Variants in ICAM5 observed in about 807,000 individuals in gnomAD.
The protein encoded by ICAM5 is intercellular adhesion molecule 5.
A neutral mutation model predicts 78.8 loss-of-function variants in ICAM5; 38 were observed. That is an observed-to-expected ratio of 0.48 (90% confidence interval 0.37 to 0.63). ICAM5 has a LOEUF of 0.63. ICAM5 is among the 30% of genes least tolerant of loss of function. ICAM5 has a pLI of 0.00. For missense variants in ICAM5, 1,059 were observed against 1,303.0 expected, an observed-to-expected ratio of 0.81 and a Z score of 2.88; for synonymous variants, 544 against 590.9, an observed-to-expected ratio of 0.92 and a Z score of 1.15.
At position 10,290,316 on chromosome 19, in the gene ICAM5, G is replaced by A; in HGVS notation, c.82+191G>A. Reference sequence around the variant, plus strand: ...CCGAGCCCCAGCTTCCTGACTCCTCGATAGCCCCTACCCGCTTCGAGATCC... The same window carrying A: ...CCGAGCCCCAGCTTCCTGACTCCTCAATAGCCCCTACCCGCTTCGAGATCC... On this transcript the variant is annotated intron_variant, in intron 1 of 10. Coordinates refer to ENST00000221980, the MANE Select transcript of ICAM5 (RefSeq NM_003259.4). This position sits in a 1 kb window ranked among gnomAD's most constrained non-coding sequence, Gnocchi z 5.7. 1 of 525,202 alleles carries A rather than the reference G, an allele frequency of 1.9e-6. No homozygotes were observed. Among genetic ancestry groups the A allele is most frequent in the Non-Finnish European group, 3.4e-6 (1 of 298,464 alleles). 32.5% of individuals were successfully genotyped at this position (525,202 alleles called of 1,614,324 possible). A position where few individuals can be genotyped will look rare whatever the true frequency, so the allele number is the denominator to read the frequency against.
chr19:10,290,738 A>C lies in ICAM5; in HGVS notation c.83-334A>C. 2.5e-6 allele frequency: 1 copy of C among 401,544 alleles called. No homozygotes were observed. The highest frequency in any genetic ancestry group is 4.5e-6 in the Non-Finnish European group (1 of 222,718). 24.9% of individuals were successfully genotyped at this position (401,544 alleles called of 1,614,324 possible). A position where few individuals can be genotyped will look rare whatever the true frequency, so the allele number is the denominator to read the frequency against. On this transcript the variant is annotated intron_variant, in intron 1 of 10. Coordinates refer to ENST00000221980, the MANE Select transcript of ICAM5 (RefSeq NM_003259.4). The surrounding 1 kb of genome is among the most constrained non-coding windows in gnomAD (Gnocchi z 5.7). ...AGAACTGGTTCATCCCCCATCCCCCATCCCGGGTCCCCTTCTCTCAGCCTT... is the reference window on the plus strand; with the variant it reads ...AGAACTGGTTCATCCCCCATCCCCCCTCCCGGGTCCCCTTCTCTCAGCCTT...
Position 10,294,430 on chromosome 19 carries a change from C to T in ICAM5, c.2020C>T (p.Pro674Ser), listed in dbSNP as rs1381337177. 1.2e-6 allele frequency: 2 copies of T among 1,611,760 alleles called. No homozygotes were observed. Among genetic ancestry groups the T allele is most frequent in the Admixed American group, 3.4e-5 (2 of 59,392 alleles). Residue 674 changes from proline to serine, a missense_variant, in exon 9 of 11, where the codon CCA (proline) becomes TCA (serine). Coordinates refer to ENST00000221980, the MANE Select transcript of ICAM5 (RefSeq NM_003259.4). The surrounding 1 kb of genome is among the most constrained non-coding windows in gnomAD (Gnocchi z 7.7). ...SPPEMDESTC[P>S]SHQTWLEGAE... ...ACCGGAGATGGATGAATCTACCTGCCCAAGTCACCAGACGTGGCTGGAAGG... is the reference window on the plus strand; with the variant it reads ...ACCGGAGATGGATGAATCTACCTGCTCAAGTCACCAGACGTGGCTGGAAGG...
At chr19:10,296,031 T>G (rs2040217779) in intron 10 of ICAM5, among the ~76,000 whole-genome samples, 1 of 151,820 alleles carries the variant, frequency 6.6e-6, no homozygotes, top group Admixed American at 6.6e-5. Flanking sequence ...CTCTCTGGGG[T>G]CGGGGGAACC....
At position 10,293,904 on chromosome 19, in the gene ICAM5, C is replaced by T. The variant is rs1469260186; in HGVS notation, c.1672C>T (p.Arg558Trp). Residue 558 changes from arginine (R) to tryptophan (W), a missense_variant, in exon 7 of 11, where the codon CGG becomes TGG. Arg to Trp is a moderately radical substitution (Grantham distance 101, BLOSUM62 -3). This residue lies in a region of ICAM5 where 815 missense variants were observed against 952.8 expected (regional missense o/e 0.86). Transcript: ENST00000221980. This position sits in a 1 kb window ranked among gnomAD's most constrained non-coding sequence, Gnocchi z 5.0. ...TTACCGCTGCGAAGCCACCAACCCT[C>T]GGGGCTCTGCGGCCAAAAATGTGGC... ...GTYRCEATNP[R>W]GSAAKNVAVT... 1.2e-6 allele frequency: 2 copies of T among 1,611,578 alleles called. No homozygotes were observed. Among genetic ancestry groups the T allele is most frequent in the Non-Finnish European group, 1.7e-6 (2 of 1,179,912 alleles).
intron 4 of ICAM5, 41 bp downstream of exon 4, chr19:10,292,363 C>G: frequency 6.5e-7 from 1 of 1,538,414 alleles, no homozygotes; most frequent in South Asian, 1.2e-5. Context: ...CGAGGTGGGA[C>G]CAGAGGAATG....
Position 10,290,884 on chromosome 19 carries a change from C to T in ICAM5, c.83-188C>T. On this transcript the variant is annotated intron_variant, in intron 1 of 10. Transcript: ENST00000221980. This position sits in a 1 kb window ranked among gnomAD's most constrained non-coding sequence, Gnocchi z 5.7. ...TGCTACCACGTCCCAGAGACACCCTCGAGGTTTAGACTCTGGGAGTGCGCC... is the reference window on the plus strand; with the variant it reads ...TGCTACCACGTCCCAGAGACACCCTTGAGGTTTAGACTCTGGGAGTGCGCC... 1.4e-6 allele frequency: 1 copy of T among 697,812 alleles called. No individual in the cohort carries two copies. Among genetic ancestry groups the T allele is most frequent in the Non-Finnish European group, 2.3e-6 (1 of 426,640 alleles). The allele number at this position is 697,812 out of a possible 1,614,324, so 43.2% of individuals were successfully genotyped here.
Position 10,290,460 on chromosome 19 carries a change from A to C in ICAM5, c.82+335A>C. 3.6e-6 allele frequency: 1 copy of C among 274,982 alleles called. No homozygotes were observed. The highest frequency in any genetic ancestry group is 6.8e-6 in the Non-Finnish European group (1 of 146,542). The allele number at this position is 274,982 out of a possible 1,614,324, so 17.0% of individuals were successfully genotyped here. ...TGGTCCACGGACTGGCATCTTCCCC[A>C]CTCGCGGTCCGCGAAGACTCCATCT... On this transcript the variant is annotated intron_variant, in intron 1 of 10. Coordinates refer to ENST00000221980, the MANE Select transcript of ICAM5 (RefSeq NM_003259.4). The surrounding 1 kb of genome is among the most constrained non-coding windows in gnomAD (Gnocchi z 5.7).
At position 10,291,765 on chromosome 19, in the gene ICAM5, G is replaced by T. The variant is rs776400501; in HGVS notation, c.629G>T (p.Gly210Val). ...CTGGACCTGCGGCCGCACGGACTGG[G>T]ACTGTTTGAAAACAGCTCGGCCCCC... ...AELDLRPHGL[G>V]LFENSSAPRE... is the part of the protein sequence containing the mutation. The change falls in exon 3 of 11, where the codon GGA (glycine) becomes GTA (valine). Residue 210 changes from glycine to valine, a missense_variant. Physicochemically the swap from Gly to Val is moderately radical, Grantham distance 109. This residue lies in a region of ICAM5 where 815 missense variants were observed against 952.8 expected (regional missense o/e 0.86). Coordinates refer to ENST00000221980, the MANE Select transcript of ICAM5 (RefSeq NM_003259.4). The T allele has an allele frequency of 6.2e-7, 1 of 1,612,562 alleles. No individual in the cohort carries two copies. The highest frequency in any genetic ancestry group is 1.3e-5 in the African/African-American group (1 of 75,026).
Position 10,290,372 on chromosome 19 carries a change from C to A in ICAM5, c.82+247C>A. 2.2e-6 allele frequency: 1 copy of A among 462,950 alleles called. No individual in the cohort carries two copies. Among genetic ancestry groups the A allele is most frequent in the Non-Finnish European group, 3.8e-6 (1 of 260,932 alleles). 28.7% of individuals were successfully genotyped at this position (462,950 alleles called of 1,614,324 possible). A position where few individuals can be genotyped will look rare whatever the true frequency, so the allele number is the denominator to read the frequency against. ...GTTCTTCCGCACCCAACCCTTCGCC[C>A]TGGAGACCCAGTGTCTCTCCTGTCC... On this transcript the variant is annotated intron_variant, in intron 1 of 10. Transcript: ENST00000221980. The surrounding 1 kb of genome is among the most constrained non-coding windows in gnomAD (Gnocchi z 5.7).
In ICAM5 at chr19:10,294,749, A is replaced by T; in HGVS notation, c.2230+109A>T. On this transcript the variant is annotated intron_variant, in intron 9 of 10. Transcript: ENST00000221980. This position sits in a 1 kb window ranked among gnomAD's most constrained non-coding sequence, Gnocchi z 7.7. ...CCCAATCCCATTCTCGGGGACAGGG[A>T]ATTCCAGCCTAAACCAGGGGGTAAT... The T allele has an allele frequency of 1.3e-6, 2 of 1,524,136 alleles. No individual in the cohort carries two copies. Among genetic ancestry groups the T allele is most frequent in the East Asian group, 4.6e-5 (2 of 43,764 alleles). 94.4% of individuals were successfully genotyped at this position (1,524,136 alleles called of 1,614,324 possible).
intron 10 of ICAM5, 152 bp downstream of exon 10, chr19:10,295,764 G>A: frequency 1.1e-6 from 1 of 924,544 alleles, no homozygotes; most frequent in Non-Finnish European, 1.6e-6. Flanking sequence ...TTAGCGGGTG[G>A]GGCTGTTGAT....
At position 10,291,000 on chromosome 19, in the gene ICAM5, T is replaced by G; in HGVS notation, c.83-72T>G. On this transcript the variant is annotated intron_variant, in intron 1 of 10. Coordinates refer to ENST00000221980, the MANE Select transcript of ICAM5 (RefSeq NM_003259.4). The surrounding 1 kb of genome is among the most constrained non-coding windows in gnomAD (Gnocchi z 5.7). ...CCTCCTCCCCGCCCTCTGAGAACCCTTGACTCGACATAGGGGCGCTAAGAT... is the reference window on the plus strand; with the variant it reads ...CCTCCTCCCCGCCCTCTGAGAACCCGTGACTCGACATAGGGGCGCTAAGAT... 2 of 1,501,846 alleles carry G rather than the reference T, an allele frequency of 1.3e-6. No individual in the cohort carries two copies. The highest frequency in any genetic ancestry group is 1.8e-6 in the Non-Finnish European group (2 of 1,118,166). 93.0% of individuals were successfully genotyped at this position (1,501,846 alleles called of 1,614,324 possible).
In ICAM5 at chr19:10,293,833, C is replaced by CCGT. The variant is rs2040197269; in HGVS notation, c.1603_1605dup (p.Val535dup). On this transcript the variant is annotated inframe_insertion, in exon 7 of 11. Coordinates refer to ENST00000221980, the MANE Select transcript of ICAM5 (RefSeq NM_003259.4). The surrounding 1 kb of genome is among the most constrained non-coding windows in gnomAD (Gnocchi z 5.0). ...TGCGTGCGCTCTGGAGAACTCGGGG[C>CCGT]CGTCATCGAGGGGCTGTTGCGTGTG... The CCGT allele has an allele frequency of 6.2e-7, 1 of 1,612,930 alleles. No homozygotes were observed. Among genetic ancestry groups the CCGT allele is most frequent in the East Asian group, 2.2e-5 (1 of 44,898 alleles).
At chr19:10,295,775 C>T (rs928498507) in intron 10 of ICAM5, among the ~76,000 whole-genome samples, 163 bp downstream of exon 10, 1 of 152,012 alleles carries the variant, frequency 6.6e-6, no homozygotes, top group African/African-American at 2.4e-5. Flanking sequence ...GGCTGTTGAT[C>T]GCACTTTGAG....
chr19:10,293,178 G>A lies in ICAM5; in HGVS notation c.1397G>A (p.Gly466Asp). ...LLGPVTRALSGTYRCKAANDQ... is the reference protein window; with the variant it reads ...LLGPVTRALSDTYRCKAANDQ... ...GGTCCAGTCACTCGGGCGCTCTCAGGCACTTACCGCTGCAAGGCGGCCAAT... is the reference window on the plus strand; with the variant it reads ...GGTCCAGTCACTCGGGCGCTCTCAGACACTTACCGCTGCAAGGCGGCCAAT... Residue 466 changes from glycine to aspartate, a missense_variant, in exon 6 of 11, where the codon GGC becomes GAC. Physicochemically the swap from Gly to Asp is moderately conservative, Grantham distance 94. This residue lies in a region of ICAM5 where 815 missense variants were observed against 952.8 expected (regional missense o/e 0.86). Coordinates refer to ENST00000221980, the MANE Select transcript of ICAM5 (RefSeq NM_003259.4). This position sits in a 1 kb window ranked among gnomAD's most constrained non-coding sequence, Gnocchi z 5.0. The A allele has an allele frequency of 6.2e-7, 1 of 1,610,790 alleles. No homozygotes were observed. The highest frequency in any genetic ancestry group is 8.5e-7 in the Non-Finnish European group (1 of 1,178,890).
rs144205613 is a variant in ICAM5, at chr19:10,293,407, TG to T, written c.1465+163del. On this transcript the variant is annotated intron_variant, in intron 6 of 10. Coordinates refer to ENST00000221980, the MANE Select transcript of ICAM5 (RefSeq NM_003259.4). The surrounding 1 kb of genome is among the most constrained non-coding windows in gnomAD (Gnocchi z 5.0). ...GGGGTTGGAGAAAGATCTTGGAGGA[TG>T]GAAGGGACCGGGTGGGCGTGCCCCT... Among the ~76,000 whole-genome samples, 401 of 151,930 alleles carry T rather than the reference TG, an allele frequency of 2.6e-3. 2 individuals are homozygous for T. The highest frequency in any genetic ancestry group is 9.3e-3 in the African/African-American group (385 of 41,432).
intron 4 of ICAM5, 65 bp from the exon 5 acceptor site, chr19:10,292,547 G>C (rs2040182858): frequency 6.6e-7 from 1 of 1,513,692 alleles, no homozygotes. Context: ...GGGCAGATAA[G>C]GGGCGGGCCT....
At position 10,295,427 on chromosome 19, in the gene ICAM5, C is replaced by A; in HGVS notation, c.2312C>A (p.Ala771Glu). 1 of 1,607,588 alleles carries A rather than the reference C, an allele frequency of 6.2e-7. No individual in the cohort carries two copies. ...PGGNFTLTCR[A>E]EAWPPAQISW... is the part of the protein sequence containing the mutation. ...GGAAACTTCACGTTGACCTGCCGCG[C>A]GGAGGCCTGGCCTCCAGCCCAGATC... Residue 771 changes from alanine to glutamate, a missense_variant, in exon 10 of 11, where the codon GCG becomes GAG. Ala to Glu is a moderately radical substitution (Grantham distance 107). Coordinates refer to ENST00000221980, the MANE Select transcript of ICAM5 (RefSeq NM_003259.4).
At chr19:10,291,007 G>T in intron 1 of ICAM5, 65 bp from the exon 2 acceptor site, 2 of 1,515,574 alleles carry the variant, frequency 1.3e-6, no homozygotes, top group South Asian at 2.5e-5. Context: ...CCCTTGACTC[G>T]ACATAGGGGC....
Sources: gnomAD v4.1 joint callset for allele counts (sites outside exome capture counted in the v4.1 genomes callset) on GRCh38, gnomAD v4.1.1 for gene constraint, gnomAD v4.1.1 regional missense constraint, Gnocchi (gnomAD v3.1) non-coding constraint, MANE v1.5 for transcripts, NCBI Gene and HGNC (gene_info 2026-07-23, HGNC 2026-07-21) for gene names.